Variants in PARVA observed in about 807,000 individuals in gnomAD.
PARVA encodes the protein alpha-parvin.
PARVA carries 25 observed loss-of-function variants against 52.6 expected under a neutral mutation model. That is an observed-to-expected ratio of 0.48 (90% confidence interval 0.35 to 0.66). PARVA has a LOEUF of 0.66. Ranked by LOEUF, PARVA falls within the 30% of genes least tolerant of loss-of-function variation. The probability of loss-of-function intolerance (pLI) is 0.01; values close to 1 mark genes in which losing one functional copy is unlikely to be tolerated. For missense variants in PARVA, 373 were observed against 450.9 expected (o/e 0.83, Z 1.56); for synonymous variants, 185 against 179.1 (o/e 1.03, Z -0.26).
chr11:12,515,761 C>G (rs1000467042), intron 10 of PARVA, among the ~76,000 whole-genome samples: 4 of 152,166 alleles, frequency 2.6e-5, no homozygotes, highest in African/African-American at 9.7e-5. Flanking sequence ...TCTGCTCTCC[C>G]GTGTCCACCT....
intron 1 of PARVA, chr11:12,452,964 C>T: frequency 2.2e-6 from 1 of 456,100 alleles, no homozygotes; most frequent in Non-Finnish European, 4.4e-6. Context: ...GGGGTCAGCT[C>T]TGGGCAGAAG....
At chr11:12,485,435 C>T (rs1287348339) in intron 4 of PARVA, among the ~76,000 whole-genome samples, 1 of 151,980 alleles carries the variant, frequency 6.6e-6, no homozygotes, top group Non-Finnish European at 1.5e-5. Context: ...GTAGATGAGC[C>T]TAGAGCATCT....
At chr11:12,520,479 A>C (rs1941622661) in intron 12 of PARVA, among the ~76,000 whole-genome samples, 1 of 152,196 alleles carries the variant, frequency 6.6e-6, no homozygotes, top group Admixed American at 6.5e-5. Context: ...CATGTTTTTA[A>C]GGTCAGGAAA....
At position 12,381,011 on chromosome 11, in the gene PARVA, A is replaced by G. The variant is rs548877850; in HGVS notation, c.136+3228A>G. On this transcript the variant is annotated intron_variant, in intron 1 of 12. Coordinates refer to ENST00000334956, the MANE Select transcript of PARVA (RefSeq NM_018222.5). ...CCTGATTCCTTCATTCAGTCTGTCA[A>G]CTAATCCAGGGGCTGTAAATGGATG... Among the ~76,000 whole-genome samples the G allele has an allele frequency of 3.3e-5, 5 of 152,264 alleles. 1 individual carries two copies. In the South Asian group the frequency reaches 8.3e-4, roughly 25 times the overall value.
Position 12,518,430 on chromosome 11 carries a change from C to T in PARVA, c.970-15C>T. ...GGTGTGCAATGGTACATGCTGTCTG[C>T]ATCTCTCTTGCCAGGTCTTGAATGT... On this transcript the variant is annotated splice_polypyrimidine_tract_variant and intron_variant, in intron 11 of 12. Transcript: ENST00000334956. 2 of 1,608,842 alleles carry T rather than the reference C, an allele frequency of 1.2e-6. No homozygotes were observed. Among genetic ancestry groups the T allele is most frequent in the Non-Finnish European group, 1.7e-6 (2 of 1,175,644 alleles).
At chr11:12,465,230 A>G (rs1940838633) in intron 1 of PARVA, among the ~76,000 whole-genome samples, 1 of 152,128 alleles carries the variant, frequency 6.6e-6, no homozygotes, top group South Asian at 2.1e-4. Context: ...TGGTGGCTTT[A>G]TAAGAAGAGG....
chr11:12,503,105 C>T (rs1941383816), intron 5 of PARVA, among the ~76,000 whole-genome samples: 1 of 152,176 alleles, frequency 6.6e-6, no homozygotes, highest in Non-Finnish European at 1.5e-5. Flanking sequence ...GAGCACATGA[C>T]TCAGCAGCTT....
intron 1 of PARVA, among the ~76,000 whole-genome samples, chr11:12,394,027 A>G (rs1244537652): frequency 6.6e-6 from 1 of 152,222 alleles, no homozygotes; most frequent in African/African-American, 2.4e-5. Flanking sequence ...AATATTAATC[A>G]AGTATTTGCC....
At chr11:12,512,785 A>T (rs111755302) in intron 8 of PARVA, among the ~76,000 whole-genome samples, 4 of 152,128 alleles carry the variant, frequency 2.6e-5, no homozygotes, top group African/African-American at 7.2e-5. Flanking sequence ...AGGCACAAAG[A>T]GTTGAAGTGG....
At chr11:12,476,154 A>C (rs996167804) in intron 3 of PARVA, among the ~76,000 whole-genome samples, 2 of 152,036 alleles carry the variant, frequency 1.3e-5, no homozygotes, top group Non-Finnish European at 2.9e-5. Context: ...CCAGACCTAG[A>C]CCTGCACTCG....
At position 12,533,808 on chromosome 11, in the gene PARVA, C is replaced by CGGAGGAGGAGGAGGAGGA. The variant is rs1554904930; in HGVS notation, c.*5891_*5908dup. Among the ~76,000 whole-genome samples, 1 of 150,164 alleles carries CGGAGGAGGAGGAGGAGGA rather than the reference C, an allele frequency of 6.7e-6. No homozygotes were observed. The highest frequency in any genetic ancestry group is 2.1e-4 in the South Asian group (1 of 4,698). ...CCTCATGGTCATCACATTGAGTAGG[C>CGGAGGAGGAGGAGGAGGA]GGAGGAGGAGGAGGAGGAGGAGGAG... On this transcript the variant is annotated 3_prime_UTR_variant, in exon 13 of 13. Transcript: ENST00000334956.
At chr11:12,496,895 G>T (rs986787343) in intron 5 of PARVA, among the ~76,000 whole-genome samples, 2 of 152,338 alleles carry the variant, frequency 1.3e-5, no homozygotes, top group East Asian at 1.9e-4. Flanking sequence ...CTTCTTCTAA[G>T]TCCCAGCACA....
At position 12,529,738 on chromosome 11, in the gene PARVA, T is replaced by A. The variant is rs1013433972; in HGVS notation, c.*1813T>A. 1 of 152,258 alleles carries A rather than the reference T, an allele frequency of 6.6e-6. No individual in the cohort carries two copies. Among genetic ancestry groups the A allele is most frequent in the African/African-American group, 2.4e-5 (1 of 41,474 alleles). The allele number at this position is 152,258 out of a possible 1,614,324, so 9.4% of individuals were successfully genotyped here. A position where few individuals can be genotyped will look rare whatever the true frequency, so the allele number is the denominator to read the frequency against. On this transcript the variant is annotated 3_prime_UTR_variant, in exon 13 of 13. Transcript: ENST00000334956. The stretch of plus-strand genomic sequence containing the variant: ...TCTATCTGCAGTAATTGAGGACCCA[T>A]AAAATTTAGATAACTACATGTCTTT...
At chr11:12,383,980 GCTC>G (rs1939533509) in intron 1 of PARVA, among the ~76,000 whole-genome samples, 1 of 152,060 alleles carries the variant, frequency 6.6e-6, no homozygotes, top group Admixed American at 6.5e-5. Flanking sequence ...CCAGCTATGA[GCTC>G]CTTCAAGTTC....
chr11:12,521,668 G>T (rs74471914), intron 12 of PARVA, among the ~76,000 whole-genome samples: 23,890 of 151,942 alleles, frequency 0.16, 1,930 homozygotes, highest in Admixed American at 0.21. Flanking sequence ...TTGAGATGAT[G>T]ACATTATCTA....
At chr11:12,435,316 CCCCT>C (rs1940372044) in intron 1 of PARVA, among the ~76,000 whole-genome samples, 2 of 152,196 alleles carry the variant, frequency 1.3e-5, no homozygotes, top group African/African-American at 2.4e-5. Flanking sequence ...CCATCCTTTT[CCCCT>C]TCTCCTGTCA....
At chr11:12,502,784 C>T (rs1941379560) in intron 5 of PARVA, among the ~76,000 whole-genome samples, 1 of 150,706 alleles carries the variant, frequency 6.6e-6, no homozygotes, top group East Asian at 2.0e-4. Flanking sequence ...TAAGACTATC[C>T]ACTCTAGTGT....
chr11:12,456,010 T>C (rs904468431), intron 1 of PARVA, among the ~76,000 whole-genome samples: 4 of 152,236 alleles, frequency 2.6e-5, no homozygotes, highest in Admixed American at 2.6e-4. Context: ...CTTTTTCACC[T>C]TGCTGTCTCT....
Position 12,443,976 on chromosome 11 carries a change from G to A in PARVA, c.137-29769G>A, listed in dbSNP as rs79459886. Among the ~76,000 whole-genome samples, 500 of 152,190 alleles carry A rather than the reference G, an allele frequency of 3.3e-3. 16 individuals carry two copies. The East Asian group carries it at 0.076, about 23-fold the overall frequency. On this transcript the variant is annotated intron_variant, in intron 1 of 12. Transcript: ENST00000334956. ...CTGTTTGCCTCATGTCATTTTCAGC[G>A]TGCCTTTGTAGTACTGAACCTGGCT...
Sources: allele counts gnomAD v4.1 joint callset (sites outside exome capture counted in the v4.1 genomes callset), GRCh38; gene constraint gnomAD v4.1.1; transcripts MANE v1.5; gene names NCBI Gene and HGNC (gene_info 2026-07-23, HGNC 2026-07-21).